PTPN2: variants seen among roughly 807,000 people sequenced by gnomAD.
PTPN2 encodes tyrosine-protein phosphatase non-receptor type 2.
In PTPN2, 19 loss-of-function variants were observed where a neutral mutation model predicts 57.3. That is an observed-to-expected ratio of 0.33 (90% CI 0.23 to 0.49). PTPN2 has a LOEUF of 0.49. PTPN2 is among the 20% of genes least tolerant of loss of function. The pLI, the probability that PTPN2 is intolerant of heterozygous loss-of-function variation, is 0.99. For synonymous variants in PTPN2, 153 were observed against 164.9 expected, an observed-to-expected ratio of 0.93 and a Z score of 0.55; for missense variants, 358 against 501.1, an observed-to-expected ratio of 0.71 and a Z score of 2.73.
At chr18:12,849,116 G>A (rs2043307193) in intron 2 of PTPN2, among the ~76,000 whole-genome samples, 1 of 152,148 alleles carries the variant, frequency 6.6e-6, no homozygotes, top group South Asian at 2.1e-4. Context: ...TGATGTTGTT[G>A]CAGTTATCTC....
intron 7 of PTPN2, among the ~76,000 whole-genome samples, chr18:12,805,473 T>C (rs1260511745): frequency 2.0e-5 from 3 of 150,990 alleles, no homozygotes; most frequent in East Asian, 3.9e-4. Context: ...AAAAAAAAAT[T>C]CAACATACCT....
At chr18:12,836,383 T>G (rs1484358238) in intron 3 of PTPN2, among the ~76,000 whole-genome samples, 1 of 152,182 alleles carries the variant, frequency 6.6e-6, no homozygotes, top group East Asian at 1.9e-4. Context: ...CAGGGCTTGG[T>G]GTACTCTCTG....
chr18:12,857,866 G>A (rs1568154123), intron 2 of PTPN2, among the ~76,000 whole-genome samples: 1 of 152,164 alleles, frequency 6.6e-6, no homozygotes, highest in African/African-American at 2.4e-5. Context: ...AGCATTAAGA[G>A]AAACATAGTA....
At chr18:12,804,120 T>TCACC (rs2145257651) in intron 7 of PTPN2, among the ~76,000 whole-genome samples, 1 of 151,366 alleles carries the variant, frequency 6.6e-6, no homozygotes, top group Non-Finnish European at 1.5e-5. Context: ...GCCAACATGG[T>TCACC]GAAATGCCAT....
chr18:12,802,384 A>C (rs1184310512), intron 7 of PTPN2, among the ~76,000 whole-genome samples: 2 of 152,218 alleles, frequency 1.3e-5, no homozygotes, highest in Non-Finnish European at 2.9e-5. Context: ...ATGAGTATAT[A>C]GTTGAATATA....
intron 2 of PTPN2, among the ~76,000 whole-genome samples, chr18:12,853,499 TC>T (rs1357222289): frequency 6.6e-6 from 1 of 152,130 alleles, no homozygotes; most frequent in African/African-American, 2.4e-5. Context: ...AGCAACACCA[TC>T]CCAGCTTTTA....
At chr18:12,836,386 ACT>A (rs2042867321) in intron 3 of PTPN2, among the ~76,000 whole-genome samples, 1 of 152,168 alleles carries the variant, frequency 6.6e-6, no homozygotes, top group Admixed American at 6.5e-5. Flanking sequence ...GGCTTGGTGT[ACT>A]CTCTGAAGAT....
intron 1 of PTPN2, among the ~76,000 whole-genome samples, chr18:12,859,680 G>T (rs1314418454): frequency 1.3e-5 from 2 of 152,162 alleles, no homozygotes; most frequent in African/African-American, 4.8e-5. Context: ...TTCAAATTCT[G>T]ACTAAAACTC....
At chr18:12,838,672 G>A (rs934037085) in intron 2 of PTPN2, among the ~76,000 whole-genome samples, 10 of 152,070 alleles carry the variant, frequency 6.6e-5, no homozygotes, top group Non-Finnish European at 1.2e-4. Flanking sequence ...GCAAAGGAAC[G>A]GTGAATTTTC....
At chr18:12,884,010 G>T in intron 1 of PTPN2, 63 bp downstream of exon 1, 1 of 1,415,494 alleles carries the variant, frequency 7.1e-7, no homozygotes, top group Non-Finnish European at 9.6e-7. Flanking sequence ...GGGACCCTGC[G>T]GACAGGGCAC....
downstream of PTPN2, chr18:12,787,578 C>A (rs912018911): frequency 6.6e-6 from 1 of 151,828 alleles, no homozygotes; most frequent in African/African-American, 2.4e-5. Context: ...AACTGAAGGA[C>A]GGGGTTTTTA....
At chr18:12,866,574 G>A (rs1349609294) in intron 1 of PTPN2, among the ~76,000 whole-genome samples, 1 of 152,202 alleles carries the variant, frequency 6.6e-6, no homozygotes, top group African/African-American at 2.4e-5. Flanking sequence ...GTTGGGATGT[G>A]GGTGAGAATG....
Position 12,870,457 on chromosome 18 carries a change from ATATAT to A in PTPN2, c.70-11208_70-11204del, listed in dbSNP as rs1480084762. 1.5e-3 allele frequency among the ~76,000 whole-genome samples: 95 copies of A among 63,546 alleles called. 9 individuals carry two copies. The highest frequency in any genetic ancestry group is 2.3e-3 in the Non-Finnish European group (89 of 38,790). 41.7% of individuals were successfully genotyped at this position (63,546 alleles called of 152,430 possible). A position where few individuals can be genotyped will look rare whatever the true frequency, so the allele number is the denominator to read the frequency against. ...TATATATGTGTATATATATATATAT[ATATAT>A]AGAGAGAGAGAGAGAGAGAGAGAGA... On this transcript the variant is annotated intron_variant, in intron 1 of 8. Transcript: ENST00000309660.
In PTPN2 at chr18:12,804,017, T is replaced by C. The variant is rs143391722; in HGVS notation, c.859-1866A>G. Among the ~76,000 whole-genome samples, 693 of 151,486 alleles carry C rather than the reference T, an allele frequency of 4.6e-3. 1 individual carries two copies. Among genetic ancestry groups the C allele is most frequent in the Non-Finnish European group, 6.6e-3 (445 of 67,808 alleles). ...TCAACAAATTAAAAAAAGAAAAAAA[T>C]CACAATCAGGCCAGGTGGGTGGCTC... is the stretch of plus-strand genomic sequence containing the variant. On this transcript the variant is annotated intron_variant, in intron 7 of 8. Coordinates refer to ENST00000309660, the MANE Select transcript of PTPN2 (RefSeq NM_002828.4).
chr18:12,881,563 C>T (rs1366326220), intron 1 of PTPN2, among the ~76,000 whole-genome samples: 1 of 152,204 alleles, frequency 6.6e-6, no homozygotes, highest in Non-Finnish European at 1.5e-5. Context: ...CTCAACTTCA[C>T]ACCAGTCTCC....
At chr18:12,843,344 G>T (rs2043108694) in intron 2 of PTPN2, among the ~76,000 whole-genome samples, 1 of 152,158 alleles carries the variant, frequency 6.6e-6, no homozygotes, top group Non-Finnish European at 1.5e-5. Flanking sequence ...GGGTATTAAA[G>T]TACAAAATTC....
intron 2 of PTPN2, among the ~76,000 whole-genome samples, chr18:12,838,575 C>T (rs2042946224): frequency 6.6e-6 from 1 of 152,208 alleles, no homozygotes; most frequent in Admixed American, 6.5e-5. Context: ...GAGGAGGGCA[C>T]TACCTGCAGG....
intron 8 of PTPN2, among the ~76,000 whole-genome samples, chr18:12,799,068 C>T (rs1403372770): frequency 6.6e-6 from 1 of 152,066 alleles, no homozygotes; most frequent in Non-Finnish European, 1.5e-5. Context: ...TGAATATCCT[C>T]CAAATGAATA....
intron 2 of PTPN2, among the ~76,000 whole-genome samples, chr18:12,838,426 C>T (rs2145405025): frequency 6.6e-6 from 1 of 152,334 alleles, no homozygotes; most frequent in South Asian, 2.1e-4. Context: ...TTTGATACCT[C>T]ACCCTCAGGA....
Sources: gnomAD v4.1 joint callset for allele counts (sites outside exome capture counted in the v4.1 genomes callset) on GRCh38, gnomAD v4.1.1 for gene constraint, MANE v1.5 for transcripts, NCBI Gene and HGNC (gene_info 2026-07-23, HGNC 2026-07-21) for gene names.